Variants in ACSL3 observed in about 807,000 individuals in gnomAD.
The protein encoded by ACSL3 is fatty acid CoA ligase Acsl3.
Under a neutral mutation model 84.7 loss-of-function variants are expected in ACSL3, and 34 were observed. The ratio of observed to expected loss-of-function variants is 0.40; its 90% CI spans 0.31 to 0.53. ACSL3 has a LOEUF of 0.53. Among genes scored for constraint, ACSL3 ranks in the 20% least tolerant of loss-of-function variants. ACSL3 has a pLI of 0.48. For missense variants in ACSL3, 680 were observed against 873.1 expected, an observed-to-expected ratio of 0.78 and a Z score of 2.79; for synonymous variants, 315 against 299.4, an observed-to-expected ratio of 1.05 and a Z score of -0.54.
chr2:222,914,831 A>T (rs1696533649), intron 4 of ACSL3, among the ~76,000 whole-genome samples: 1 of 152,238 alleles, frequency 6.6e-6, no homozygotes, highest in Non-Finnish European at 1.5e-5. Flanking sequence ...CTCTAAATGT[A>T]ATATTTATGA....
At chr2:222,882,966 G>A (rs795895) in intron 1 of ACSL3, among the ~76,000 whole-genome samples, 138,092 of 151,476 alleles carry the variant, frequency 0.91, 63,056 homozygotes, top group East Asian at 0.97. Flanking sequence ...ATGGGGTTTC[G>A]CTGTGTTAGC....
At chr2:222,941,471 CT>C in intron 16 of ACSL3, 25 bp from the exon 17 acceptor site, 1 of 1,379,960 alleles carries the variant, frequency 7.2e-7, no homozygotes, top group Non-Finnish European at 9.8e-7. Flanking sequence ...ACCTTTTCTT[CT>C]TTTCTTTTTT....
intron 4 of ACSL3, among the ~76,000 whole-genome samples, chr2:222,911,004 A>G (rs530097995): frequency 1.3e-5 from 2 of 152,018 alleles, no homozygotes; most frequent in South Asian, 4.1e-4. Context: ...ATTTTATCAT[A>G]ATGAAGTTTG....
chr2:222,887,019 C>T (rs539091210), intron 1 of ACSL3, among the ~76,000 whole-genome samples: 63 of 152,290 alleles, frequency 4.1e-4, no homozygotes, highest in African/African-American at 1.4e-3. Flanking sequence ...ATGTATCTAC[C>T]GTTATAATAC....
chr2:222,903,944 A>T (rs1308032766), intron 3 of ACSL3, among the ~76,000 whole-genome samples: 3 of 5,060 alleles, frequency 5.9e-4, no homozygotes, highest in East Asian at 0.17. Context: ...TGAATAGTTA[A>T]AAAAAAAAAG....
intron 2 of ACSL3, among the ~76,000 whole-genome samples, chr2:222,894,791 T>G (rs913316940): frequency 3.9e-5 from 6 of 152,230 alleles, no homozygotes; most frequent in Non-Finnish European, 8.8e-5. Context: ...GGTCAATGCA[T>G]GTACATGTAG....
At chr2:222,917,720 A>G (rs1696621836) in intron 5 of ACSL3, 2 of 170,806 alleles carry the variant, frequency 1.2e-5, no homozygotes, top group African/African-American at 4.7e-5. Context: ...CAAGTGGCCA[A>G]CAATTAAGAA....
intron 1 of ACSL3, among the ~76,000 whole-genome samples, chr2:222,870,678 A>G (rs772651107): frequency 2.6e-5 from 4 of 152,216 alleles, no homozygotes; most frequent in Non-Finnish European, 4.4e-5. Flanking sequence ...CTAACAGGGC[A>G]AAATGAGCAA....
intron 1 of ACSL3, among the ~76,000 whole-genome samples, chr2:222,861,930 G>C (rs1271036041): frequency 6.6e-6 from 1 of 152,126 alleles, no homozygotes; most frequent in Non-Finnish European, 1.5e-5. Flanking sequence ...TGTGGGGTAG[G>C]TGTTATCAGG....
intron 6 of ACSL3, 131 bp from the exon 7 acceptor site, chr2:222,918,933 G>T: frequency 9.7e-7 from 1 of 1,026,676 alleles, no homozygotes. Context: ...TATTATGCCA[G>T]TGTACCCTTT....
At chr2:222,903,993 G>A (rs1226185358) in intron 3 of ACSL3, among the ~76,000 whole-genome samples, 3 of 152,100 alleles carry the variant, frequency 2.0e-5, no homozygotes, top group Non-Finnish European at 2.9e-5. Flanking sequence ...AATTATGGTC[G>A]GCTGGGCGCG....
At chr2:222,928,455 A>G (rs770320952) in intron 12 of ACSL3, among the ~76,000 whole-genome samples, 1 of 152,196 alleles carries the variant, frequency 6.6e-6, no homozygotes, top group African/African-American at 2.4e-5. Context: ...GCAGCTACCT[A>G]TTTAAATGAG....
At position 222,942,701 on chromosome 2, in the gene ACSL3, G is replaced by C. The variant is rs1697346211; in HGVS notation, c.*1047G>C. 1 of 211,324 alleles carries C rather than the reference G, an allele frequency of 4.7e-6. No homozygotes were observed. Among genetic ancestry groups the C allele is most frequent in the African/African-American group, 2.3e-5 (1 of 44,202 alleles). The allele number at this position is 211,324 out of a possible 1,614,324, so 13.1% of individuals were successfully genotyped here. On this transcript the variant is annotated 3_prime_UTR_variant, in exon 17 of 17. Coordinates refer to ENST00000357430, the MANE Select transcript of ACSL3 (RefSeq NM_004457.5). ...TGCGTGTATGGATGTGTGTGAGTCA[G>C]TGGTAGCTTATTTAAAAAGCACCTT...
chr2:222,928,146 A>AT (rs1488256426), intron 12 of ACSL3, among the ~76,000 whole-genome samples: 1 of 152,266 alleles, frequency 6.6e-6, no homozygotes, highest in African/African-American at 2.4e-5. Flanking sequence ...AAGAGGAAAC[A>AT]TAATGCAATA....
At chr2:222,910,700 G>A (rs984223457) in intron 4 of ACSL3, among the ~76,000 whole-genome samples, 13 of 152,168 alleles carry the variant, frequency 8.5e-5, no homozygotes, top group Admixed American at 3.9e-4. Context: ...ATTTCCTCAC[G>A]TTTAAATAGA....
chr2:222,901,734 C>G (rs1696155853), intron 3 of ACSL3, among the ~76,000 whole-genome samples: 1 of 152,010 alleles, frequency 6.6e-6, no homozygotes, highest in South Asian at 2.1e-4. Context: ...ATCACAAGGT[C>G]AAGAGATCGA....
At chr2:222,882,982 T>A (rs1695628776) in intron 1 of ACSL3, among the ~76,000 whole-genome samples, 1 of 95,146 alleles carries the variant, frequency 1.1e-5, no homozygotes, top group Non-Finnish European at 2.2e-5. Flanking sequence ...TTAGCCAGGA[T>A]GGGCTCGAAT....
chr2:222,918,206 GT>G (rs1696637763), intron 6 of ACSL3, 51 bp downstream of exon 6: 1 of 1,235,614 alleles, frequency 8.1e-7, no homozygotes, highest in African/African-American at 1.5e-5. Flanking sequence ...AATTTTCAGT[GT>G]CATGAGCCCT....
At chr2:222,892,410 G>C (rs925268203) in intron 2 of ACSL3, among the ~76,000 whole-genome samples, 1 of 152,164 alleles carries the variant, frequency 6.6e-6, no homozygotes, top group Non-Finnish European at 1.5e-5. Context: ...GTGAGAACCA[G>C]GGTGCCCCTC....
Sources: allele counts gnomAD v4.1 joint callset (sites outside exome capture counted in the v4.1 genomes callset), GRCh38; gene constraint gnomAD v4.1.1; transcripts MANE v1.5; gene names NCBI Gene and HGNC (gene_info 2026-07-23, HGNC 2026-07-21).